The following KIAA1755 variants were observed in gnomAD, a reference collection of about 807,000 sequenced individuals.
KIAA1755 encodes KIAA1755.
KIAA1755 carries 68 observed loss-of-function variants against 91.7 expected under a neutral mutation model. The observed-to-expected ratio is 0.74, with a 90% CI of 0.61 to 0.91. The LOEUF (loss-of-function observed/expected upper bound fraction) is 0.91, where lower values mean the gene tolerates loss of function less well. Ranked by LOEUF, KIAA1755 falls within the 40% of genes least tolerant of loss-of-function variation. The probability of loss-of-function intolerance (pLI) is 0.00; values close to 1 mark genes in which losing one functional copy is unlikely to be tolerated. For synonymous variants in KIAA1755, 610 were observed against 604.6 expected, an observed-to-expected ratio of 1.01 and a Z score of -0.13; for missense variants, 1,535 against 1,494.4, an observed-to-expected ratio of 1.03 and a Z score of -0.45.
intron 6 of KIAA1755, among the ~76,000 whole-genome samples, chr20:38,227,839 C>T (rs1266640791): frequency 6.6e-6 from 1 of 152,196 alleles, no homozygotes; most frequent in African/African-American, 2.4e-5. Context: ...GGGTGCCAAG[C>T]GGGGTGGCTT....
Position 38,260,610 on chromosome 20 carries a change from G to T in KIAA1755, c.-110C>A. On this transcript the variant is annotated 5_prime_UTR_variant, in exon 1 of 14. Coordinates refer to ENST00000279024, the MANE Select transcript of KIAA1755 (RefSeq NM_001029864.2). ...GCCCTCGGTCCCGCCTAGCCCTGGA[G>T]CCAGGGGATAGGGCAGGCCCGGGGC... The T allele has an allele frequency of 7.2e-7, 1 of 1,381,634 alleles. No homozygotes were observed. The highest frequency in any genetic ancestry group is 9.5e-7 in the Non-Finnish European group (1 of 1,054,298). The allele number at this position is 1,381,634 out of a possible 1,614,324, so 85.6% of individuals were successfully genotyped here.
Position 38,239,695 on chromosome 20 carries a change from G to A in KIAA1755, c.1580C>T (p.Pro527Leu). Residue 527 changes from proline to leucine, a missense_variant, in exon 4 of 14, where the codon CCA (proline) becomes CTA (leucine). Transcript: ENST00000279024. ...AGTCAGTGGGCTGGGGGCAGTGGCTGGGCCAGATGTTTTGGTCTGAGTTGT... is the reference window on the plus strand; with the variant it reads ...AGTCAGTGGGCTGGGGGCAGTGGCTAGGCCAGATGTTTTGGTCTGAGTTGT... ...AGTTQTKTSG[P>L]ATAPSPLTEE... 1 of 1,612,470 alleles carries A rather than the reference G, an allele frequency of 6.2e-7. No individual in the cohort carries two copies. Among genetic ancestry groups the A allele is most frequent in the Non-Finnish European group, 8.5e-7 (1 of 1,179,854 alleles).
chr20:38,257,396 C>T (rs2076356626), intron 1 of KIAA1755, among the ~76,000 whole-genome samples: 1 of 152,040 alleles, frequency 6.6e-6, no homozygotes, highest in South Asian at 2.1e-4. Flanking sequence ...GACTGGCCAA[C>T]ATGGTAAAAC....
At chr20:38,235,243 T>A (rs2075940525) in intron 4 of KIAA1755, among the ~76,000 whole-genome samples, 1 of 152,224 alleles carries the variant, frequency 6.6e-6, no homozygotes, top group African/African-American at 2.4e-5. Flanking sequence ...GAGGTCTCAA[T>A]CTCAGGGGCT....
intron 1 of KIAA1755, among the ~76,000 whole-genome samples, chr20:38,253,424 T>C (rs1412826872): frequency 1.3e-5 from 2 of 152,210 alleles, no homozygotes; most frequent in East Asian, 1.9e-4. Context: ...ATAAAAGGCA[T>C]AGGATGATGC....
chr20:38,226,532 C>A (rs915605666), intron 7 of KIAA1755, among the ~76,000 whole-genome samples: 7 of 152,152 alleles, frequency 4.6e-5, no homozygotes, highest in Admixed American at 4.6e-4. Flanking sequence ...GAACAGCACA[C>A]CTCCAGCCCA....
At position 38,219,565 on chromosome 20, in the gene KIAA1755, C is replaced by T. The variant is rs540254649; in HGVS notation, c.2556+65G>A. 3.7e-5 allele frequency: 59 copies of T among 1,592,484 alleles called. No individual in the cohort carries two copies. The East Asian group carries it at 7.2e-4, about 19-fold the overall frequency. On this transcript the variant is annotated intron_variant, in intron 11 of 13. Coordinates refer to ENST00000279024, the MANE Select transcript of KIAA1755 (RefSeq NM_001029864.2). ...ACCTGACTAGGGACGGGCCCAGAGT[C>T]GGGGCTTTCCTGTGGAATGTGGCCA...
At chr20:38,237,048 T>G (rs1284023213) in intron 4 of KIAA1755, 2 of 151,798 alleles carry the variant, frequency 1.3e-5, no homozygotes, top group East Asian at 3.9e-4. Flanking sequence ...AATTCATCCA[T>G]ACTAGAATGC....
intron 4 of KIAA1755, 137 bp from the exon 5 acceptor site, chr20:38,231,462 C>T (rs2075862934): frequency 7.0e-6 from 7 of 1,003,624 alleles, no homozygotes; most frequent in Admixed American, 3.1e-5. Context: ...CTTCTGTGAA[C>T]TCTGACTTCT....
chr20:38,251,023 G>A (rs1310878264), intron 1 of KIAA1755, among the ~76,000 whole-genome samples: 1 of 151,692 alleles, frequency 6.6e-6, no homozygotes, highest in Non-Finnish European at 1.5e-5. Flanking sequence ...GCATTGGATG[G>A]TTTTTGTATT....
At chr20:38,235,689 A>G (rs1280836542) in intron 4 of KIAA1755, among the ~76,000 whole-genome samples, 1 of 152,236 alleles carries the variant, frequency 6.6e-6, no homozygotes, top group Non-Finnish European at 1.5e-5. Context: ...GATGTAGCCT[A>G]GCGAGATCCA....
intron 1 of KIAA1755, among the ~76,000 whole-genome samples, chr20:38,257,579 TAA>T (rs1219977631): frequency 0.039 from 3,549 of 90,046 alleles, 66 homozygotes; most frequent in East Asian, 0.12. Context: ...AGACTCCATC[TAA>T]AAAAAAAAAA....
Position 38,211,865 on chromosome 20 carries a change from A to G in KIAA1755, c.*1177T>C, listed in dbSNP as rs994180482. 6.6e-6 allele frequency: 1 copy of G among 152,142 alleles called. No individual in the cohort carries two copies. Among genetic ancestry groups the G allele is most frequent in the Non-Finnish European group, 1.5e-5 (1 of 68,042 alleles). 9.4% of individuals were successfully genotyped at this position (152,142 alleles called of 1,614,324 possible). ...CCAGGAGGCAATTCTCTTTGCCAAG[A>G]CCAATGGAGCTGGCTGTGCGTGCTG... On this transcript the variant is annotated 3_prime_UTR_variant, in exon 14 of 14. Coordinates refer to ENST00000279024, the MANE Select transcript of KIAA1755 (RefSeq NM_001029864.2).
intron 4 of KIAA1755, 42 bp from the exon 5 acceptor site, chr20:38,231,367 G>C: frequency 6.4e-7 from 1 of 1,566,526 alleles, no homozygotes; most frequent in South Asian, 1.2e-5. Flanking sequence ...GAACTTGTGG[G>C]GGGCCCTCTA....
chr20:38,248,587 C>G (rs1304737193), intron 1 of KIAA1755, among the ~76,000 whole-genome samples: 2 of 152,102 alleles, frequency 1.3e-5, no homozygotes, highest in Non-Finnish European at 2.9e-5. Flanking sequence ...TGCACAGGAC[C>G]AGGCACAAAC....
intron 4 of KIAA1755, chr20:38,233,223 T>G (rs972594064): frequency 6.6e-5 from 10 of 152,204 alleles, no homozygotes; most frequent in African/African-American, 2.2e-4. Context: ...TTTGTAATAT[T>G]TTTATAAATA....
At chr20:38,244,552 T>C (rs1436616724) in intron 2 of KIAA1755, among the ~76,000 whole-genome samples, 1 of 152,124 alleles carries the variant, frequency 6.6e-6, no homozygotes, top group African/African-American at 2.4e-5. Context: ...TTAGAACCTC[T>C]TTGTGATTCT....
At chr20:38,243,811 C>T (rs1230006532) in intron 2 of KIAA1755, among the ~76,000 whole-genome samples, 6 of 152,198 alleles carry the variant, frequency 3.9e-5, no homozygotes, top group African/African-American at 9.7e-5. Context: ...AGTGGGATAG[C>T]GATAGCCAAT....
chr20:38,235,259 C>T (rs563463985), intron 4 of KIAA1755, among the ~76,000 whole-genome samples: 35 of 152,302 alleles, frequency 2.3e-4, no homozygotes, highest in African/African-American at 8.2e-4. Context: ...GGGCTCTGTT[C>T]ATTCTCTTCT....
Sources: allele counts gnomAD v4.1 joint callset (sites outside exome capture counted in the v4.1 genomes callset), GRCh38; gene constraint gnomAD v4.1.1; transcripts MANE v1.5; gene names NCBI Gene and HGNC (gene_info 2026-07-23, HGNC 2026-07-21).